ALDH1A2: variants seen among roughly 807,000 people sequenced by gnomAD.
ALDH1A2 encodes the protein retinal dehydrogenase 2.
A neutral mutation model predicts 60.3 loss-of-function variants in ALDH1A2; 27 were observed. The ratio of observed to expected loss-of-function variants is 0.45; its 90% CI spans 0.33 to 0.62. The LOEUF (loss-of-function observed/expected upper bound fraction) is 0.62, where lower values mean the gene tolerates loss of function less well. Ranked by LOEUF, ALDH1A2 falls within the 20% of genes least tolerant of loss-of-function variation. The pLI is 0.02. For synonymous variants in ALDH1A2, 289 were observed against 232.4 expected, an observed-to-expected ratio of 1.24 and a Z score of -2.21; for missense variants, 581 against 643.8, an observed-to-expected ratio of 0.90 and a Z score of 1.06.
intron 4 of ALDH1A2, among the ~76,000 whole-genome samples, chr15:58,004,704 CGT>C (rs1555402505): frequency 2.0e-5 from 3 of 147,472 alleles, no homozygotes; most frequent in African/African-American, 7.6e-5. Context: ...TGTGTGTGTG[CGT>C]GTGTGTGTGT....
chr15:58,022,566 C>T (rs1474291271), intron 1 of ALDH1A2, among the ~76,000 whole-genome samples: 1 of 152,152 alleles, frequency 6.6e-6, no homozygotes, highest in African/African-American at 2.4e-5. Flanking sequence ...AATCAGCCTG[C>T]TCCAACACAG....
In ALDH1A2 at chr15:58,043,369, T is replaced by C. The variant is rs148329855; in HGVS notation, c.117+22165A>G. ...ACAACCCTTGAGTTCTAATATTCTG[T>C]ACATCTGGGTTAGTGGATATAGAAC... On this transcript the variant is annotated intron_variant, in intron 1 of 12. Coordinates refer to ENST00000249750, the MANE Select transcript of ALDH1A2 (RefSeq NM_003888.4). Among the ~76,000 whole-genome samples the C allele has an allele frequency of 2.0e-5, 3 of 152,114 alleles. No individual in the cohort carries two copies. The East Asian group carries it at 5.8e-4, about 30-fold the overall frequency.
intron 1 of ALDH1A2, among the ~76,000 whole-genome samples, chr15:58,048,835 T>C (rs1415021150): frequency 1.3e-5 from 2 of 152,136 alleles, no homozygotes; most frequent in South Asian, 2.1e-4. Flanking sequence ...TAATACTCTG[T>C]TAAGGTATAA....
At chr15:58,034,416 T>A (rs66971399) in intron 1 of ALDH1A2, among the ~76,000 whole-genome samples, 69,636 of 151,360 alleles carry the variant, frequency 0.46, 16,441 homozygotes, top group Non-Finnish European at 0.53. Flanking sequence ...AAAATTATGT[T>A]ATCTGTGAAA....
At chr15:58,009,049 T>A (rs1319384364) in intron 4 of ALDH1A2, among the ~76,000 whole-genome samples, 2 of 152,226 alleles carry the variant, frequency 1.3e-5, no homozygotes, top group Admixed American at 6.5e-5. Flanking sequence ...GAAGAGCCCC[T>A]ACAATCAGAA....
intron 5 of ALDH1A2, among the ~76,000 whole-genome samples, 181 bp downstream of exon 5, chr15:57,994,897 C>T (rs1233198335): frequency 6.6e-6 from 1 of 151,952 alleles, no homozygotes; most frequent in Non-Finnish European, 1.5e-5. Context: ...GAGCTGAAAC[C>T]CTATTAACCT....
At chr15:58,033,307 T>G (rs952902885) in intron 1 of ALDH1A2, among the ~76,000 whole-genome samples, 8 of 51,474 alleles carry the variant, frequency 1.6e-4, no homozygotes, top group African/African-American at 4.3e-4. Flanking sequence ...CTTGATGCTT[T>G]CTATTTGACA....
At chr15:58,004,376 A>C (rs1361526956) in intron 4 of ALDH1A2, among the ~76,000 whole-genome samples, 1 of 151,816 alleles carries the variant, frequency 6.6e-6, no homozygotes, top group Non-Finnish European at 1.5e-5. Context: ...TGTTACATGG[A>C]TATATTGCAT....
intron 12 of ALDH1A2, among the ~76,000 whole-genome samples, chr15:57,960,108 C>T (rs1893672285): frequency 6.6e-6 from 1 of 152,182 alleles, no homozygotes; most frequent in South Asian, 2.1e-4. Flanking sequence ...TCCCTGAGCT[C>T]CTCCATTGGT....
chr15:57,986,491 A>T (rs1454274791), intron 7 of ALDH1A2, among the ~76,000 whole-genome samples: 2 of 151,518 alleles, frequency 1.3e-5, no homozygotes, highest in Non-Finnish European at 2.9e-5. Context: ...GACATTCTTT[A>T]AAGAAAAACA....
chr15:57,958,560 T>C (rs1893617372), intron 12 of ALDH1A2, among the ~76,000 whole-genome samples: 1 of 152,120 alleles, frequency 6.6e-6, no homozygotes, highest in Non-Finnish European at 1.5e-5. Flanking sequence ...AGTTTCCAGA[T>C]GTTTCTGGAA....
At chr15:57,996,504 T>TC (rs1566942732) in intron 4 of ALDH1A2, among the ~76,000 whole-genome samples, 1 of 135,100 alleles carries the variant, frequency 7.4e-6, no homozygotes. Context: ...TTTTTCCCTC[T>TC]TTTTTTTTTT....
intron 1 of ALDH1A2, chr15:58,014,598 G>C (rs1895736998): frequency 4.3e-6 from 2 of 466,206 alleles, no homozygotes; most frequent in Non-Finnish European, 8.5e-6. Context: ...GTTATCGATA[G>C]CCCAAGCTCT....
intron 1 of ALDH1A2, among the ~76,000 whole-genome samples, chr15:58,047,718 G>C (rs1896669704): frequency 6.6e-6 from 1 of 151,906 alleles, no homozygotes; most frequent in Non-Finnish European, 1.5e-5. Flanking sequence ...CATTTAGAGA[G>C]GGGGAAAAAA....
intron 7 of ALDH1A2, among the ~76,000 whole-genome samples, chr15:57,989,643 T>G (rs1443973411): frequency 2.0e-5 from 3 of 152,274 alleles, no homozygotes; most frequent in African/African-American, 7.2e-5. Flanking sequence ...TCAAATTACT[T>G]TTGCTCCAAC....
At chr15:58,014,845 C>T (rs1039391058) in intron 1 of ALDH1A2, among the ~76,000 whole-genome samples, 2 of 152,168 alleles carry the variant, frequency 1.3e-5, no homozygotes, top group Admixed American at 6.5e-5. Flanking sequence ...GCTGAATAGG[C>T]TATCTTGCAG....
At chr15:58,061,541 C>G (rs1897032259) in intron 1 of ALDH1A2, among the ~76,000 whole-genome samples, 1 of 141,192 alleles carries the variant, frequency 7.1e-6, no homozygotes, top group Admixed American at 7.4e-5. Flanking sequence ...TTCATATTTT[C>G]TCCATGGTTG....
intron 4 of ALDH1A2, among the ~76,000 whole-genome samples, chr15:58,008,020 T>C (rs1055638293): frequency 3.9e-5 from 6 of 152,078 alleles, no homozygotes; most frequent in Admixed American, 3.9e-4. Flanking sequence ...GTTGGCTGAA[T>C]TCTAAGTGGC....
chr15:57,959,587 A>C lies in ALDH1A2; in HGVS notation c.1484+1183T>G, dbSNP rs1022789179. Reference sequence around the variant, plus strand: ...CTAACATTTTCTGAAGGCTTGCCAGATATTCTGTTGGATGTTTGCATACTT... The same window carrying C: ...CTAACATTTTCTGAAGGCTTGCCAGCTATTCTGTTGGATGTTTGCATACTT... On this transcript the variant is annotated intron_variant, in intron 12 of 12. Coordinates refer to ENST00000249750, the MANE Select transcript of ALDH1A2 (RefSeq NM_003888.4). 3.9e-5 allele frequency among the ~76,000 whole-genome samples: 6 copies of C among 152,178 alleles called. No homozygotes were observed. The East Asian group carries it at 1.2e-3, about 29-fold the overall frequency.
Sources: allele counts gnomAD v4.1 joint callset (sites outside exome capture counted in the v4.1 genomes callset), GRCh38; gene constraint gnomAD v4.1.1; transcripts MANE v1.5; gene names NCBI Gene and HGNC (gene_info 2026-07-23, HGNC 2026-07-21).